MGMT: variants seen among roughly 807,000 people sequenced by gnomAD.
The protein encoded by MGMT is O-6-methylguanine-DNA methyltransferase, also known as methylated-DNA--protein-cysteine methyltransferase.
In MGMT, 14 loss-of-function variants were observed where a neutral mutation model predicts 15.9. That is an observed-to-expected ratio of 0.88 (90% CI 0.58 to 1.37). The LOEUF (loss-of-function observed/expected upper bound fraction) is 1.37. Ranked by LOEUF, MGMT falls within the 40% of genes most tolerant of loss-of-function variation. The probability of loss-of-function intolerance (pLI) is 0.00; values close to 1 mark genes in which losing one functional copy is unlikely to be tolerated. For missense variants in MGMT, 282 were observed against 268.1 expected (o/e 1.05, Z -0.36); for synonymous variants, 130 against 118.2 (o/e 1.10, Z -0.65).
At chr10:129,508,055 C>G (rs551914171) in intron 1 of MGMT, among the ~76,000 whole-genome samples, 1 of 152,242 alleles carries the variant, frequency 6.6e-6, no homozygotes. Context: ...CCTTCTCTCA[C>G]CAAGTTAGTT....
At chr10:129,636,656 T>A (rs1488148209) in intron 2 of MGMT, among the ~76,000 whole-genome samples, 1 of 152,244 alleles carries the variant, frequency 6.6e-6, no homozygotes, top group Non-Finnish European at 1.5e-5. Flanking sequence ...TCCTGTGAAC[T>A]CTATAGATTG....
In MGMT at chr10:129,497,776, A is replaced by T. The variant is rs527847208; in HGVS notation, c.-13+30480A>T. On this transcript the variant is annotated intron_variant, in intron 1 of 4. Coordinates refer to ENST00000651593, the MANE Select transcript of MGMT (RefSeq NM_002412.5). ...GTCAGGCTGGAGCCCTCAGAATGGG[A>T]TTAGTGTGCCTATAAAAGAGGACTG... Among the ~76,000 whole-genome samples the T allele has an allele frequency of 2.2e-4, 34 of 152,246 alleles. 1 individual carries two copies. In the South Asian group the frequency reaches 6.6e-3, roughly 30 times the overall value.
chr10:129,728,741 AC>A (rs1053005168), intron 3 of MGMT, among the ~76,000 whole-genome samples: 9 of 129,846 alleles, frequency 6.9e-5, no homozygotes, highest in Non-Finnish European at 1.5e-4. Context: ...GTGCCCCACC[AC>A]CCCCTGTTCT....
intron 2 of MGMT, among the ~76,000 whole-genome samples, chr10:129,551,194 A>C (rs1460888255): frequency 1.3e-5 from 2 of 152,238 alleles, no homozygotes; most frequent in African/African-American, 4.8e-5. Flanking sequence ...AACAGGACCC[A>C]AGTACATGCA....
chr10:129,570,019 A>G (rs1351693404), intron 2 of MGMT, among the ~76,000 whole-genome samples: 3 of 152,234 alleles, frequency 2.0e-5, no homozygotes, highest in Non-Finnish European at 2.9e-5. Context: ...GCCAAAGTAC[A>G]TCTTTTGTCT....
chr10:129,602,173 A>G (rs1197665586), intron 2 of MGMT, among the ~76,000 whole-genome samples: 2 of 152,236 alleles, frequency 1.3e-5, no homozygotes, highest in Admixed American at 1.3e-4. Context: ...AGTGTGATAC[A>G]GAATCATATA....
rs572135873 is a variant in MGMT, at chr10:129,652,159, C to G, written c.126-55736C>G. Among the ~76,000 whole-genome samples the G allele has an allele frequency of 8.5e-5, 13 of 152,304 alleles. No homozygotes were observed. In the East Asian group the frequency reaches 2.5e-3, roughly 29 times the overall value. On this transcript the variant is annotated intron_variant, in intron 2 of 4. Coordinates refer to ENST00000651593, the MANE Select transcript of MGMT (RefSeq NM_002412.5). ...ACCAGGACTGAAGACAACAGAAAGG[C>G]CCCCTGGGAGACAGGTCCCTGGCTT...
intron 1 of MGMT, among the ~76,000 whole-genome samples, chr10:129,469,856 G>A (rs544469726): frequency 1.3e-4 from 20 of 152,144 alleles, no homozygotes; most frequent in Middle Eastern, 3.4e-3. Flanking sequence ...ACAGGTGTGC[G>A]CCACCATACC....
chr10:129,520,075 C>G (rs1845786432), intron 1 of MGMT, among the ~76,000 whole-genome samples: 2 of 152,154 alleles, frequency 1.3e-5, no homozygotes, highest in African/African-American at 4.8e-5. Context: ...GGTTGTAGTG[C>G]CACAGGCAGT....
intron 3 of MGMT, among the ~76,000 whole-genome samples, chr10:129,728,740 C>G (rs1353124537): frequency 1.3e-5 from 2 of 151,896 alleles, no homozygotes; most frequent in African/African-American, 4.8e-5. Context: ...TGTGCCCCAC[C>G]ACCCCCTGTT....
intron 1 of MGMT, among the ~76,000 whole-genome samples, chr10:129,521,100 A>G (rs1251549887): frequency 6.6e-6 from 1 of 152,122 alleles, no homozygotes; most frequent in East Asian, 1.9e-4. Flanking sequence ...CCCTCCTGGA[A>G]GCAGTTTCAG....
At chr10:129,557,216 T>C (rs1846224185) in intron 2 of MGMT, among the ~76,000 whole-genome samples, 2 of 152,226 alleles carry the variant, frequency 1.3e-5, no homozygotes, top group African/African-American at 4.8e-5. Flanking sequence ...CTATGTCAGA[T>C]GTGCCATGAG....
intron 1 of MGMT, among the ~76,000 whole-genome samples, chr10:129,519,730 G>C (rs890741067): frequency 1.3e-5 from 2 of 152,114 alleles, no homozygotes; most frequent in African/African-American, 4.8e-5. Flanking sequence ...CTTTGCTAAG[G>C]GTAAAGAGGA....
At chr10:129,570,616 A>G (rs1328144451) in intron 2 of MGMT, among the ~76,000 whole-genome samples, 1 of 152,250 alleles carries the variant, frequency 6.6e-6, no homozygotes, top group African/African-American at 2.4e-5. Flanking sequence ...TCTGTTTTTC[A>G]TATCTGGCAG....
intron 2 of MGMT, among the ~76,000 whole-genome samples, chr10:129,679,603 T>C (rs1017392036): frequency 4.6e-5 from 7 of 152,240 alleles, no homozygotes; most frequent in African/African-American, 1.7e-4. Flanking sequence ...GGAAGCCTGA[T>C]GTCGGGACGT....
chr10:129,723,005 CAAAAAAAAAAAAA>C (rs3039560), intron 3 of MGMT, among the ~76,000 whole-genome samples: 1 of 60,254 alleles, frequency 1.7e-5, no homozygotes, highest in South Asian at 7.3e-4. Flanking sequence ...GACTCTATCA[CAAAAAAAAAAAAA>C]AAAAAAAAAA....
At chr10:129,524,975 A>C (rs536288005) in intron 1 of MGMT, among the ~76,000 whole-genome samples, 64 of 152,282 alleles carry the variant, frequency 4.2e-4, no homozygotes, top group Non-Finnish European at 6.6e-4. Context: ...GTTTAGCTAA[A>C]CTGTCGGAAT....
chr10:129,680,783 C>T (rs887579466), intron 2 of MGMT, among the ~76,000 whole-genome samples: 6 of 152,226 alleles, frequency 3.9e-5, no homozygotes, highest in East Asian at 1.9e-4. Context: ...CTGCTTCCCC[C>T]GTGTGCCTGT....
chr10:129,741,145 T>C (rs1848627491), intron 3 of MGMT, among the ~76,000 whole-genome samples: 1 of 152,144 alleles, frequency 6.6e-6, no homozygotes, highest in South Asian at 2.1e-4. Flanking sequence ...ATTTGACTTT[T>C]GAAAAGTGGT....
Sources: allele counts gnomAD v4.1 joint callset (sites outside exome capture counted in the v4.1 genomes callset), GRCh38; gene constraint gnomAD v4.1.1; transcripts MANE v1.5; gene names NCBI Gene and HGNC (gene_info 2026-07-23, HGNC 2026-07-21).